Variants in ZSWIM8 observed in about 807,000 individuals in gnomAD.
ZSWIM8 encodes the protein zinc finger SWIM-type containing 8, also known as zinc finger SWIM domain-containing protein 8.
A neutral mutation model predicts 173.7 loss-of-function variants in ZSWIM8; 27 were observed. The observed-to-expected ratio is 0.16, with a 90% CI of 0.11 to 0.21. ZSWIM8 has a LOEUF of 0.21. Ranked by LOEUF, ZSWIM8 falls within the 10% of genes least tolerant of loss-of-function variation. The pLI, the probability that ZSWIM8 is intolerant of heterozygous loss-of-function variation, is 1.00. For synonymous variants in ZSWIM8, 958 were observed against 962.0 expected (o/e 1.00, Z 0.08); for missense variants, 1,627 against 2,428.8 (o/e 0.67, Z 6.94).
At position 73,800,709 on chromosome 10, in the gene ZSWIM8, C is replaced by T; in HGVS notation, c.5072C>T (p.Pro1691Leu). ...NDHPNNFSRS[P>L]PYTDDVKWLL... ...CACCCCAACAACTTCTCCCGCTCCC[C>T]CCCCTACACTGATGATGTCAAATGG... Residue 1691 changes from proline (P) to leucine (L), a missense_variant, in exon 24 of 26, where the codon CCC becomes CTC. Physicochemically the swap from Pro to Leu is moderately conservative, Grantham distance 98 (BLOSUM62 -3). Transcript: ENST00000604729. This position sits in a 1 kb window ranked among gnomAD's most constrained non-coding sequence, Gnocchi z 4.1. 1.9e-6 allele frequency: 3 copies of T among 1,613,792 alleles called. No individual in the cohort carries two copies. The highest frequency in any genetic ancestry group is 1.7e-6 in the Non-Finnish European group (2 of 1,179,774).
In ZSWIM8 at chr10:73,797,799, C is replaced by T. The variant is rs774330043; in HGVS notation, c.3681C>T (p.Pro1227=). The change falls in exon 19 of 26, where the codon CCC becomes CCT. Residue 1227 remains proline, a synonymous_variant. Transcript: ENST00000604729. This position sits in a 1 kb window ranked among gnomAD's most constrained non-coding sequence, Gnocchi z 5.6. ...VEVGRYKGRR[P]ESHAPHVPNQ... ...CCTTCAGGTACAAGGGCCGCCGCCC[C>T]GAGAGTCATGCCCCTCATGTACCCA... The T allele has an allele frequency of 4.3e-6, 7 of 1,612,904 alleles. No homozygotes were observed. Among genetic ancestry groups the T allele is most frequent in the Admixed American group, 1.7e-5 (1 of 59,982 alleles).
rs768383387 is a variant in ZSWIM8 at position 73,800,989 on chromosome 10, G to A, written c.5123-28G>A. 21 of 1,530,068 alleles carry A rather than the reference G, an allele frequency of 1.4e-5. No individual in the cohort carries two copies. The highest frequency in any genetic ancestry group is 2.0e-5 in the Admixed American group (1 of 50,292). 94.8% of individuals were successfully genotyped at this position (1,530,068 alleles called of 1,614,324 possible). On this transcript the variant is annotated intron_variant, in intron 24 of 25. Coordinates refer to ENST00000604729, the MANE Select transcript of ZSWIM8 (RefSeq NM_001367799.1). This position sits in a 1 kb window ranked among gnomAD's most constrained non-coding sequence, Gnocchi z 4.1. ...CCCTAGGGCAGAGGTGGCCACCCCC[G>A]TCTCATGCCCCTCCCCCTGCCCCCC...
Position 73,791,386 on chromosome 10 carries a change from G to C in ZSWIM8, c.1206G>C (p.Thr402=). The C allele has an allele frequency of 6.2e-7, 1 of 1,613,940 alleles. No individual in the cohort carries two copies. The highest frequency in any genetic ancestry group is 8.5e-7 in the Non-Finnish European group (1 of 1,179,830). The change falls in exon 9 of 26, where the codon ACG becomes ACC. Residue 402 remains threonine (T), a synonymous_variant. Coordinates refer to ENST00000604729, the MANE Select transcript of ZSWIM8 (RefSeq NM_001367799.1). The surrounding 1 kb of genome is among the most constrained non-coding windows in gnomAD (Gnocchi z 6.0). The part of the protein sequence containing the change: ...SASHSSASGH[T]GRSNGQSEVA... ...CACACAGCAGTGCCAGTGGGCACAC[G>C]GGCCGTAGCAACGGGCAGTCAGAGG...
intron 2 of ZSWIM8, 115 bp from the exon 3 acceptor site, chr10:73,788,981 C>CT: frequency 2.3e-6 from 2 of 884,326 alleles, no homozygotes; most frequent in Non-Finnish European, 3.3e-6. Flanking sequence ...CCCCACCCCC[C>CT]GCCCTGGGGA....
At chr10:73,794,393 A>T in intron 13 of ZSWIM8, 63 bp downstream of exon 13, 3 of 1,581,214 alleles carry the variant, frequency 1.9e-6, no homozygotes, top group Non-Finnish European at 2.6e-6. Context: ...TCTAAGAAAG[A>T]CCAAGAGCCC....
In ZSWIM8 at chr10:73,800,795, C is replaced by A. The variant is rs201658494; in HGVS notation, c.5122+36C>A. On this transcript the variant is annotated intron_variant, in intron 24 of 25. Coordinates refer to ENST00000604729, the MANE Select transcript of ZSWIM8 (RefSeq NM_001367799.1). This position sits in a 1 kb window ranked among gnomAD's most constrained non-coding sequence, Gnocchi z 4.1. The stretch of plus-strand genomic sequence containing the variant: ...CCCTCCCTAGGACCATTGCCCCCCC[C>A]CCACCTGCTCTCCCCACCTTCCTTA... 5.9e-5 allele frequency: 86 copies of A among 1,467,096 alleles called. No homozygotes were observed. Among genetic ancestry groups the A allele is most frequent in the Admixed American group, 2.7e-4 (14 of 50,982 alleles). 90.9% of individuals were successfully genotyped at this position (1,467,096 alleles called of 1,614,324 possible). A position where few individuals can be genotyped will look rare whatever the true frequency, so the allele number is the denominator to read the frequency against.
At chr10:73,796,272 C>A in intron 15 of ZSWIM8, 2 of 260,316 alleles carry the variant, frequency 7.7e-6, no homozygotes, top group Non-Finnish European at 1.6e-5. Flanking sequence ...TTGCTTGAGC[C>A]CAGGAGTTTG....
rs770147510 is a variant in ZSWIM8, at chr10:73,794,566, C to G, written c.2835C>G (p.Pro945=). 3.2e-6 allele frequency: 5 copies of G among 1,561,132 alleles called. No homozygotes were observed. The African/African-American group carries it at 6.8e-5, about 21-fold the overall frequency. ...TGGTTTCTCCCACAGGTTCCCGGCC[C>G]CCAAGTCGCAACTGGAACAGCGAGA... ...APVVSPTGSR[P]PSRNWNSETP... The change falls in exon 14 of 26, where the codon CCC becomes CCG. Residue 945 remains proline (P), a synonymous_variant. Coordinates refer to ENST00000604729, the MANE Select transcript of ZSWIM8 (RefSeq NM_001367799.1).
chr10:73,798,965 C>G, intron 20 of ZSWIM8, 37 bp from the exon 21 acceptor site: 1 of 1,568,354 alleles, frequency 6.4e-7, no homozygotes, highest in Non-Finnish European at 8.7e-7. Context: ...GTGGTAAAGG[C>G]CTTTCCCCCT....
At chr10:73,788,238 G>GT (rs1214734568) in intron 1 of ZSWIM8, among the ~76,000 whole-genome samples, 7 of 147,996 alleles carry the variant, frequency 4.7e-5, no homozygotes, top group South Asian at 2.1e-4. Flanking sequence ...AAAAGGGATG[G>GT]TTAAAAAAAA....
At position 73,800,579 on chromosome 10, in the gene ZSWIM8, G is replaced by T; in HGVS notation, c.5003-61G>T. On this transcript the variant is annotated intron_variant, in intron 23 of 25. Transcript: ENST00000604729. This position sits in a 1 kb window ranked among gnomAD's most constrained non-coding sequence, Gnocchi z 4.1. ...TGTTTACTGTGGGGTCAGGTGACAG[G>T]TTGGGGTAAAGGGTGAAGAGGATAC... The T allele has an allele frequency of 6.2e-7, 1 of 1,604,906 alleles. No homozygotes were observed. The highest frequency in any genetic ancestry group is 2.2e-5 in the East Asian group (1 of 44,800).
chr10:73,790,337 C>T lies in ZSWIM8; in HGVS notation c.941+45C>T, dbSNP rs201022550. 5.9e-5 allele frequency: 92 copies of T among 1,554,610 alleles called. No homozygotes were observed. In the African/African-American group the frequency reaches 7.2e-4, roughly 12 times the overall value. On this transcript the variant is annotated intron_variant, in intron 7 of 25. Transcript: ENST00000604729. ...ACCTGTGTCTGTGGTGGAGGGGGAG[C>T]GTCCCTCAGGCTGATGACAGATCCT...
Position 73,791,218 on chromosome 10 carries a change from T to C in ZSWIM8, c.1143+42T>C. The C allele has an allele frequency of 6.4e-7, 1 of 1,570,338 alleles. No homozygotes were observed. Among genetic ancestry groups the C allele is most frequent in the South Asian group, 1.2e-5 (1 of 85,182 alleles). ...GGGGAGCCCCGTGGTAGCTCATTCT[T>C]TCCCTCCCCCTGCCTCATCCTCCTC... On this transcript the variant is annotated intron_variant, in intron 8 of 25. Transcript: ENST00000604729. This position sits in a 1 kb window ranked among gnomAD's most constrained non-coding sequence, Gnocchi z 6.0.
At chr10:73,794,757 C>A in intron 14 of ZSWIM8, 118 bp downstream of exon 14, 2 of 874,556 alleles carry the variant, frequency 2.3e-6, no homozygotes, top group Non-Finnish European at 3.5e-6. Flanking sequence ...ATGTGTGAGC[C>A]AACTAGTGCC....
Position 73,800,784 on chromosome 10 carries a change from A to G in ZSWIM8, c.5122+25A>G. 1 of 1,485,906 alleles carries G rather than the reference A, an allele frequency of 6.7e-7. No individual in the cohort carries two copies. 92.0% of individuals were successfully genotyped at this position (1,485,906 alleles called of 1,614,324 possible). On this transcript the variant is annotated intron_variant, in intron 24 of 25. Coordinates refer to ENST00000604729, the MANE Select transcript of ZSWIM8 (RefSeq NM_001367799.1). The surrounding 1 kb of genome is among the most constrained non-coding windows in gnomAD (Gnocchi z 4.1). ...GGTAACACCTCCCCTCCCTAGGACCATTGCCCCCCCCCCACCTGCTCTCCC... is the reference window on the plus strand; with the variant it reads ...GGTAACACCTCCCCTCCCTAGGACCGTTGCCCCCCCCCCACCTGCTCTCCC...
chr10:73,800,712 C>A lies in ZSWIM8; in HGVS notation c.5075C>A (p.Pro1692His), dbSNP rs370612771. The A allele has an allele frequency of 1.1e-5, 18 of 1,613,800 alleles. No homozygotes were observed. Among genetic ancestry groups the A allele is most frequent in the Admixed American group, 3.3e-5 (2 of 60,004 alleles). ...CCCAACAACTTCTCCCGCTCCCCCC[C>A]CTACACTGATGATGTCAAATGGTTG... is the stretch of plus-strand genomic sequence containing the variant. The part of the protein sequence containing the change: ...DHPNNFSRSP[P>H]YTDDVKWLLG... Residue 1692 changes from proline to histidine, a missense_variant, in exon 24 of 26, where the codon CCC (proline) becomes CAC (histidine). Coordinates refer to ENST00000604729, the MANE Select transcript of ZSWIM8 (RefSeq NM_001367799.1). This position sits in a 1 kb window ranked among gnomAD's most constrained non-coding sequence, Gnocchi z 4.1.
chr10:73,794,221 T>C lies in ZSWIM8; in HGVS notation c.2700T>C (p.Ser900=), dbSNP rs764932051. The C allele has an allele frequency of 1.9e-6, 3 of 1,613,886 alleles. No homozygotes were observed. The highest frequency in any genetic ancestry group is 2.2e-5 in the South Asian group (2 of 91,078). ...KKIPLGPSEM[S]TMRCRAEELR... ...TCCCTCTGGGTCCAAGTGAGATGAG[T>C]ACCATGCGGTGCCGGGCAGAGGAAC... is the stretch of plus-strand genomic sequence containing the variant. Residue 900 remains serine, a synonymous_variant, in exon 13 of 26, where the codon AGT becomes AGC. Coordinates refer to ENST00000604729, the MANE Select transcript of ZSWIM8 (RefSeq NM_001367799.1).
chr10:73,801,547 G>C lies in ZSWIM8; in HGVS notation c.*28G>C. ...CTTTCACCCTTAGGGTCCTATACAG[G>C]GACCCAGGCCTGTGGCTATGGGGGC... On this transcript the variant is annotated 3_prime_UTR_variant, in exon 26 of 26. Coordinates refer to ENST00000604729, the MANE Select transcript of ZSWIM8 (RefSeq NM_001367799.1). This position sits in a 1 kb window ranked among gnomAD's most constrained non-coding sequence, Gnocchi z 4.9. 2 of 1,610,922 alleles carry C rather than the reference G, an allele frequency of 1.2e-6. No homozygotes were observed. The highest frequency in any genetic ancestry group is 1.7e-6 in the Non-Finnish European group (2 of 1,178,950).
chr10:73,790,399 C>T (rs1406979261), intron 7 of ZSWIM8, 107 bp downstream of exon 7: 1 of 1,471,110 alleles, frequency 6.8e-7, no homozygotes, highest in Non-Finnish European at 9.1e-7. Context: ...ACCTTTTATT[C>T]CCTGAACTGG....
Sources: gnomAD v4.1 joint callset for allele counts (sites outside exome capture counted in the v4.1 genomes callset) on GRCh38, gnomAD v4.1.1 for gene constraint, Gnocchi (gnomAD v3.1) non-coding constraint, MANE v1.5 for transcripts, NCBI Gene and HGNC (gene_info 2026-07-23, HGNC 2026-07-21) for gene names.